The following ARHGAP15 variants were observed in gnomAD, a reference collection of about 807,000 sequenced individuals.
ARHGAP15 encodes the protein rho GTPase-activating protein 15.
In ARHGAP15, 51 loss-of-function variants were observed where a neutral mutation model predicts 63.7. That is an observed-to-expected ratio of 0.80 (90% CI 0.64 to 1.01). The LOEUF is 1.01. ARHGAP15 is among the 50% of genes least tolerant of loss of function. The pLI is 0.00. For missense variants in ARHGAP15, 560 were observed against 564.6 expected, an observed-to-expected ratio of 0.99 and a Z score of 0.08; for synonymous variants, 191 against 193.8, an observed-to-expected ratio of 0.99 and a Z score of 0.12.
intron 6 of ARHGAP15, among the ~76,000 whole-genome samples, chr2:143,257,804 A>G (rs1272218669): frequency 6.6e-6 from 1 of 152,128 alleles, no homozygotes; most frequent in Non-Finnish European, 1.5e-5. Flanking sequence ...AAAAGAAACC[A>G]CTGCCACTGG....
At chr2:143,600,586 GACT>G (rs1041412297) in intron 11 of ARHGAP15, among the ~76,000 whole-genome samples, 1 of 152,124 alleles carries the variant, frequency 6.6e-6, no homozygotes, top group African/African-American at 2.4e-5. Flanking sequence ...TTACAACCAT[GACT>G]ACTACTTTAC....
At chr2:143,456,122 CATTTGGCTTATGCAAA>C (rs751272712) in intron 8 of ARHGAP15, among the ~76,000 whole-genome samples, 29 of 152,094 alleles carry the variant, frequency 1.9e-4, no homozygotes, top group Non-Finnish European at 3.5e-4. Context: ...CCAGAACCTA[CATTTGGCTTATGCAAA>C]ATTTCCTCAA....
chr2:143,470,353 A>G (rs965466828), intron 8 of ARHGAP15, among the ~76,000 whole-genome samples: 3 of 151,226 alleles, frequency 2.0e-5, no homozygotes, highest in Admixed American at 6.6e-5. Context: ...TGTGTATATA[A>G]ACTCAAACTG....
intron 13 of ARHGAP15, among the ~76,000 whole-genome samples, chr2:143,752,448 G>A (rs890194612): frequency 9.9e-5 from 15 of 152,126 alleles, no homozygotes; most frequent in African/African-American, 3.6e-4. Flanking sequence ...CACCACCAGG[G>A]TGAGTTTTCA....
chr2:143,482,235 T>C (rs1692112819), intron 8 of ARHGAP15, among the ~76,000 whole-genome samples: 1 of 151,846 alleles, frequency 6.6e-6, no homozygotes, highest in Admixed American at 6.6e-5. Context: ...CTATTTATTT[T>C]CAAATAAAAA....
At chr2:143,209,360 C>T (rs1366341075) in intron 3 of ARHGAP15, among the ~76,000 whole-genome samples, 1 of 152,006 alleles carries the variant, frequency 6.6e-6, no homozygotes, top group Non-Finnish European at 1.5e-5. Context: ...TTCATGTGCC[C>T]TTCCTTTTCT....
At chr2:143,344,910 G>T (rs772705726) in intron 6 of ARHGAP15, among the ~76,000 whole-genome samples, 131 of 152,014 alleles carry the variant, frequency 8.6e-4, no homozygotes, top group Non-Finnish European at 5.1e-4. Context: ...AAGGCTGCAG[G>T]GCTGCTCTGC....
intron 5 of ARHGAP15, among the ~76,000 whole-genome samples, chr2:143,248,981 A>G (rs982734287): frequency 1.3e-5 from 2 of 152,146 alleles, no homozygotes; most frequent in African/African-American, 4.8e-5. Flanking sequence ...AGTATCCCCT[A>G]ATGTAATTAA....
chr2:143,290,429 GAA>G (rs371602011), intron 6 of ARHGAP15, among the ~76,000 whole-genome samples: 1 of 138,910 alleles, frequency 7.2e-6, no homozygotes. Flanking sequence ...TCCAAAAAAA[GAA>G]AAAAAAAAAG....
chr2:143,653,226 C>G (rs940172858), intron 12 of ARHGAP15, among the ~76,000 whole-genome samples: 20 of 152,066 alleles, frequency 1.3e-4, no homozygotes, highest in Admixed American at 6.6e-4. Context: ...CAGTACAAAC[C>G]CACTTGGTCA....
intron 8 of ARHGAP15, among the ~76,000 whole-genome samples, chr2:143,464,352 AT>A (rs1691103596): frequency 6.6e-6 from 1 of 152,198 alleles, no homozygotes; most frequent in Admixed American, 6.5e-5. Context: ...GAAATAAAGA[AT>A]AGACTGAAAA....
At chr2:143,538,879 A>T (rs1694906483) in intron 10 of ARHGAP15, among the ~76,000 whole-genome samples, 2 of 152,170 alleles carry the variant, frequency 1.3e-5, no homozygotes, top group South Asian at 2.1e-4. Flanking sequence ...TGGTATCAGG[A>T]CGATGCTGGT....
At chr2:143,407,991 A>ATATATATG (rs1688278013) in intron 6 of ARHGAP15, among the ~76,000 whole-genome samples, 2 of 25,352 alleles carry the variant, frequency 7.9e-5, no homozygotes, top group Non-Finnish European at 1.6e-4. Flanking sequence ...GTGTGTGTAT[A>ATATATATG]TATATATATA....
intron 5 of ARHGAP15, among the ~76,000 whole-genome samples, chr2:143,239,990 C>CAA (rs60960176): frequency 0.031 from 813 of 26,430 alleles, 161 homozygotes; most frequent in Non-Finnish European, 0.038. Context: ...GACTCTGTCT[C>CAA]AAAAAAAAAA....
intron 10 of ARHGAP15, among the ~76,000 whole-genome samples, chr2:143,538,025 T>C (rs1274797531): frequency 1.3e-5 from 2 of 152,212 alleles, no homozygotes; most frequent in African/African-American, 4.8e-5. Flanking sequence ...AGAATATTCT[T>C]CCATTTGTTT....
At chr2:143,197,192 C>T (rs1387882699) in intron 2 of ARHGAP15, among the ~76,000 whole-genome samples, 1 of 151,828 alleles carries the variant, frequency 6.6e-6, no homozygotes, top group Non-Finnish European at 1.5e-5. Context: ...GATTTTATAA[C>T]ACAAACAAAC....
At chr2:143,661,635 G>T (rs1284615223) in intron 12 of ARHGAP15, among the ~76,000 whole-genome samples, 1 of 152,170 alleles carries the variant, frequency 6.6e-6, no homozygotes, top group Non-Finnish European at 1.5e-5. Flanking sequence ...CAGAAGACGG[G>T]TGATTTCTGC....
chr2:143,375,161 G>A (rs531100794), intron 6 of ARHGAP15, among the ~76,000 whole-genome samples: 2 of 152,220 alleles, frequency 1.3e-5, no homozygotes, highest in East Asian at 3.9e-4. Flanking sequence ...TTTTTAAAAA[G>A]CAAATGTTTA....
At chr2:143,447,094 G>C (rs10172323) in intron 8 of ARHGAP15, among the ~76,000 whole-genome samples, 2,155 of 152,178 alleles carry the variant, frequency 0.014, 15 homozygotes, top group Non-Finnish European at 0.02. Flanking sequence ...ACATACGTGT[G>C]CATGTGTCTT....
Sources: gnomAD v4.1 joint callset for allele counts (sites outside exome capture counted in the v4.1 genomes callset) on GRCh38, gnomAD v4.1.1 for gene constraint, MANE v1.5 for transcripts, NCBI Gene and HGNC (gene_info 2026-07-23, HGNC 2026-07-21) for gene names.